AKAP12: variants seen among roughly 807,000 people sequenced by gnomAD.
AKAP12 encodes the protein A-kinase anchor protein 12.
AKAP12 carries 32 observed loss-of-function variants against 79.9 expected under a neutral mutation model. The ratio of observed to expected loss-of-function variants is 0.40; its 90% CI spans 0.30 to 0.54. The LOEUF (loss-of-function observed/expected upper bound fraction) is 0.54. Among genes scored for constraint, AKAP12 ranks in the 20% least tolerant of loss-of-function variants. The pLI is 0.48. For missense variants in AKAP12, 2,074 were observed against 2,177.0 expected, an observed-to-expected ratio of 0.95 and a Z score of 0.94; for synonymous variants, 808 against 857.0, an observed-to-expected ratio of 0.94 and a Z score of 1.00.
rs774124521 is a variant in AKAP12 at position 151,350,265 on chromosome 6, G to A, written c.1874G>A (p.Arg625Gln). The A allele has an allele frequency of 2.1e-5, 34 of 1,613,972 alleles. No individual in the cohort carries two copies. In the South Asian group the frequency reaches 3.0e-4, roughly 14 times the overall value. ...GTGACGCCCAAGAAGCGTGTTAGAC[G>A]GCCTTCGGAAAGTGATAAAGAAGAT... is the stretch of plus-strand genomic sequence containing the variant. ...KMVTPKKRVRRPSESDKEDEL... is the reference protein window; with the variant it reads ...KMVTPKKRVRQPSESDKEDEL... The change falls in exon 4 of 5, where the codon CGG (arginine) becomes CAG (glutamine). Residue 625 changes from arginine (R) to glutamine (Q), a missense_variant. By Grantham distance (43) the Arg-to-Gln change is conservative. Around this residue, in one of 3 missense-constraint regions of AKAP12, gnomAD observed 1,428 missense variants for 1,451.0 expected, o/e 0.98. Coordinates refer to ENST00000402676, the MANE Select transcript of AKAP12 (RefSeq NM_005100.4). The surrounding 1 kb of genome is among the most constrained non-coding windows in gnomAD (Gnocchi z 4.8).
intron 2 of AKAP12, among the ~76,000 whole-genome samples, chr6:151,242,850 A>G (rs1292610833): frequency 1.3e-5 from 2 of 152,244 alleles, no homozygotes; most frequent in Admixed American, 1.3e-4. Context: ...GCACAGAGGC[A>G]GCTCTCAGGA....
chr6:151,274,838 C>T (rs1042761413), intron 2 of AKAP12, among the ~76,000 whole-genome samples: 3 of 152,168 alleles, frequency 2.0e-5, no homozygotes, highest in Non-Finnish European at 4.4e-5. Flanking sequence ...CTAGGTAACT[C>T]ATTCCTGTAA....
intron 3 of AKAP12, 31 bp from the exon 4 acceptor site, chr6:151,348,680 T>TTGGGGGGGGC: frequency 5.6e-6 from 2 of 355,202 alleles, no homozygotes; most frequent in Non-Finnish European, 5.5e-6. Flanking sequence ...TTTTCTCTTC[T>TTGGGGGGGGC]CCCCACCCCC....
intron 2 of AKAP12, among the ~76,000 whole-genome samples, chr6:151,296,465 A>G (rs1055346906): frequency 2.0e-5 from 3 of 152,212 alleles, no homozygotes; most frequent in African/African-American, 4.8e-5. Flanking sequence ...AGTGCTTACT[A>G]TATATCTTGA....
chr6:151,308,898 G>A (rs1260004985), intron 3 of AKAP12, among the ~76,000 whole-genome samples: 2 of 152,090 alleles, frequency 1.3e-5, no homozygotes, highest in African/African-American at 2.4e-5. Context: ...GTTTTGAGAC[G>A]GAGTCTTGCT....
rs755893569 is a variant in AKAP12 at position 151,348,780 on chromosome 6, T to C, written c.389T>C (p.Val130Ala). ...SDKEMATKSA[V>A]VHDITDDGQE... ...AAAGAGATGGCTACTAAGTCAGCGG[T>C]TGTTCACGACATCACAGATGATGGG... Residue 130 changes from valine to alanine, a missense_variant, in exon 4 of 5, where the codon GTT becomes GCT. By Grantham distance (64) the Val-to-Ala change is moderately conservative. This residue lies in a region of AKAP12 where 1,428 missense variants were observed against 1,451.0 expected (regional missense o/e 0.98). Transcript: ENST00000402676. 2.0e-6 allele frequency: 3 copies of C among 1,534,616 alleles called. No homozygotes were observed. The highest frequency in any genetic ancestry group is 1.1e-5 in the South Asian group (1 of 90,062).
At chr6:151,321,917 T>TTG (rs1278283837) in intron 3 of AKAP12, among the ~76,000 whole-genome samples, 2 of 148,020 alleles carry the variant, frequency 1.4e-5, no homozygotes, top group African/African-American at 5.0e-5. Context: ...TTTTTTTTTT[T>TTG]TTTTTTTTTT....
chr6:151,286,374 G>A (rs1284242990), intron 2 of AKAP12, among the ~76,000 whole-genome samples: 1 of 152,184 alleles, frequency 6.6e-6, no homozygotes, highest in African/African-American at 2.4e-5. Context: ...ACACACATAC[G>A]TTCTACTTTG....
Position 151,299,365 on chromosome 6 carries a change from T to C in AKAP12, c.163-6382T>C, listed in dbSNP as rs74972221. On this transcript the variant is annotated intron_variant, in intron 2 of 4. Transcript: ENST00000402676. The stretch of plus-strand genomic sequence containing the variant: ...GTTCAATGTATTTTCACTTCTACAG[T>C]GATAAAGTGAGTAAAAAGGAAACCG... Among the ~76,000 whole-genome samples, 1,107 of 152,200 alleles carry C rather than the reference T, an allele frequency of 7.3e-3. 17 individuals are homozygous for C. The highest frequency in any genetic ancestry group is 0.025 in the African/African-American group (1,030 of 41,494).
intron 3 of AKAP12, among the ~76,000 whole-genome samples, chr6:151,322,984 T>A (rs954500890): frequency 6.6e-6 from 1 of 152,254 alleles, no homozygotes; most frequent in African/African-American, 2.4e-5. Flanking sequence ...CTAAAAATCC[T>A]AATTTAACAA....
At chr6:151,326,489 T>TAAAAAAAAAAAAAAAA (rs746340831) in intron 3 of AKAP12, among the ~76,000 whole-genome samples, 2 of 80,302 alleles carry the variant, frequency 2.5e-5, no homozygotes, top group African/African-American at 4.7e-5. Flanking sequence ...CAACAAATAG[T>TAAAAAAAAAAAAAAAA]AAAAAAAAAA....
intron 2 of AKAP12, among the ~76,000 whole-genome samples, chr6:151,297,196 A>T (rs2499897): frequency 6.6e-6 from 1 of 151,616 alleles, no homozygotes; most frequent in South Asian, 2.1e-4. Context: ...CTCTGGGTGT[A>T]TGTGTATGTG....
chr6:151,318,664 A>G (rs963617169), intron 3 of AKAP12, among the ~76,000 whole-genome samples: 1 of 152,156 alleles, frequency 6.6e-6, no homozygotes, highest in African/African-American at 2.4e-5. Flanking sequence ...GGCTGGATGC[A>G]GTGGCTCATG....
chr6:151,323,605 A>G (rs1258728473), intron 3 of AKAP12: 2 of 698,636 alleles, frequency 2.9e-6, no homozygotes, highest in African/African-American at 3.9e-5. Context: ...GAATGTCATA[A>G]AAAGAAATGT....
At chr6:151,269,314 A>G (rs1256314654) in intron 2 of AKAP12, among the ~76,000 whole-genome samples, 2 of 151,942 alleles carry the variant, frequency 1.3e-5, no homozygotes, top group Non-Finnish European at 2.9e-5. Flanking sequence ...TTTTTCTAAA[A>G]TTTTTTATTA....
At chr6:151,330,294 AC>A (rs1380343080) in intron 3 of AKAP12, among the ~76,000 whole-genome samples, 3 of 151,904 alleles carry the variant, frequency 2.0e-5, no homozygotes, top group Admixed American at 1.3e-4. Flanking sequence ...TCCCTACCCC[AC>A]CCCCCAAAAA....
intron 2 of AKAP12, among the ~76,000 whole-genome samples, chr6:151,254,031 A>C (rs978932702): frequency 2.0e-5 from 3 of 152,046 alleles, no homozygotes; most frequent in Admixed American, 6.6e-5. Context: ...TTTATCCAAT[A>C]CTTAGACATG....
Position 151,351,819 on chromosome 6 carries a change from C to T in AKAP12, c.3428C>T (p.Thr1143Ile). 1 of 1,614,082 alleles carries T rather than the reference C, an allele frequency of 6.2e-7. No individual in the cohort carries two copies. The highest frequency in any genetic ancestry group is 8.5e-7 in the Non-Finnish European group (1 of 1,180,018). The change falls in exon 4 of 5, where the codon ACC (threonine) becomes ATC (isoleucine). Residue 1143 changes from threonine to isoleucine, a missense_variant. Coordinates refer to ENST00000402676, the MANE Select transcript of AKAP12 (RefSeq NM_005100.4). The surrounding 1 kb of genome is among the most constrained non-coding windows in gnomAD (Gnocchi z 4.4). ...CTTGTAACCACTTGTCAAGCCGAAA[C>T]CTTAGCTGGGGTAAAATCACAGGAG... ...SELVTTCQAE[T>I]LAGVKSQEMV...
chr6:151,350,823 T>A lies in AKAP12; in HGVS notation c.2432T>A (p.Ile811Asn), dbSNP rs1465956268. 1 of 1,613,932 alleles carries A rather than the reference T, an allele frequency of 6.2e-7. No individual in the cohort carries two copies. Among genetic ancestry groups the A allele is most frequent in the African/African-American group, 1.3e-5 (1 of 74,908 alleles). Reference protein sequence around the residue: ...EESWVSIKKFIPGRRKKRPDG... With the variant: ...EESWVSIKKFNPGRRKKRPDG... ...TCCTGGGTCTCAATCAAGAAGTTTATTCCTGGACGAAGGAAGAAAAGGCCA... is the reference window on the plus strand; with the variant it reads ...TCCTGGGTCTCAATCAAGAAGTTTAATCCTGGACGAAGGAAGAAAAGGCCA... Residue 811 changes from isoleucine (I) to asparagine (N), a missense_variant, in exon 4 of 5, where the codon ATT becomes AAT. Physicochemically the swap from Ile to Asn is moderately radical, Grantham distance 149. Around this residue, in one of 3 missense-constraint regions of AKAP12, gnomAD observed 1,428 missense variants for 1,451.0 expected, o/e 0.98. Transcript: ENST00000402676. This position sits in a 1 kb window ranked among gnomAD's most constrained non-coding sequence, Gnocchi z 4.8.
Sources: gnomAD v4.1 joint callset for allele counts (sites outside exome capture counted in the v4.1 genomes callset) on GRCh38, gnomAD v4.1.1 for gene constraint, gnomAD v4.1.1 regional missense constraint, Gnocchi (gnomAD v3.1) non-coding constraint, MANE v1.5 for transcripts, NCBI Gene and HGNC (gene_info 2026-07-23, HGNC 2026-07-21) for gene names.